SAG: variants seen among roughly 807,000 people sequenced by gnomAD.
SAG encodes the protein S-arrestin.
A neutral mutation model predicts 55.0 loss-of-function variants in SAG; 45 were observed. That is an observed-to-expected ratio of 0.82 (90% CI 0.64 to 1.05). The LOEUF is 1.05. Ranked by LOEUF, SAG falls within the 50% of genes least tolerant of loss-of-function variation. The pLI is 0.00. For synonymous variants in SAG, 189 were observed against 197.4 expected (o/e 0.96, Z 0.36); for missense variants, 455 against 512.1 (o/e 0.89, Z 1.08).
In SAG at chr2:233,338,732, A is replaced by C. The variant is rs1188978609; in HGVS notation, c.1001A>C (p.Lys334Thr). ...GGAATCCTGGTGTCTTACCAGATCA[A>C]GGTGAAGCTCACAGTGTCAGGGTAA... ...VLGILVSYQIKVKLTVSGFLG... is the reference protein window; with the variant it reads ...VLGILVSYQITVKLTVSGFLG... The change falls in exon 12 of 16, where the codon AAG becomes ACG. Residue 334 changes from lysine (K) to threonine (T), a missense_variant. Lys to Thr is a moderately conservative substitution (Grantham distance 78, BLOSUM62 -1). Coordinates refer to ENST00000409110, the MANE Select transcript of SAG (RefSeq NM_000541.5). 6.2e-7 allele frequency: 1 copy of C among 1,613,980 alleles called. No individual in the cohort carries two copies. The highest frequency in any genetic ancestry group is 8.5e-7 in the Non-Finnish European group (1 of 1,179,868).
chr2:233,341,550 C>G (rs1018269397), intron 13 of SAG, among the ~76,000 whole-genome samples: 2 of 152,158 alleles, frequency 1.3e-5, no homozygotes, highest in South Asian at 4.1e-4. Context: ...CATGGATAAA[C>G]CTTATACTAA....
rs1274352848 is a variant in SAG at position 233,320,690 on chromosome 2, T to C, written c.242T>C (p.Leu81Ser). Reference protein sequence around the residue: ...YGQEDIDVIGLTFRRDLYFSR... With the variant: ...YGQEDIDVIGSTFRRDLYFSR... ...CAAGAGGACATTGACGTGATCGGCT[T>C]GACCTTCCGCAGGGACCTGTACTTC... The change falls in exon 5 of 16, where the codon TTG becomes TCG. Residue 81 changes from leucine (L) to serine (S), a missense_variant. By Grantham distance (145) the Leu-to-Ser change is moderately radical. Transcript: ENST00000409110. 2.5e-6 allele frequency: 4 copies of C among 1,606,516 alleles called. No individual in the cohort carries two copies. The South Asian group carries it at 4.5e-5, about 18-fold the overall frequency.
chr2:233,308,847 T>C (rs1700004204), intron 1 of SAG, among the ~76,000 whole-genome samples: 1 of 152,190 alleles, frequency 6.6e-6, no homozygotes, highest in Non-Finnish European at 1.5e-5. Context: ...CCTGGCTAAG[T>C]GTGATAACAC....
chr2:233,331,976 A>G, intron 10 of SAG: 1 of 460,246 alleles, frequency 2.2e-6, no homozygotes. Flanking sequence ...AAAGACAGAA[A>G]TGTCACCATG....
intron 4 of SAG, chr2:233,320,053 TG>T: frequency 5.6e-6 from 5 of 890,764 alleles, no homozygotes; most frequent in Middle Eastern, 1.2e-3. Context: ...TTTTCAGAAG[TG>T]GGGGTTTAGA....
intron 15 of SAG, 118 bp downstream of exon 15, chr2:233,346,530 G>A: frequency 5.3e-6 from 6 of 1,126,750 alleles, no homozygotes; most frequent in Non-Finnish European, 6.8e-6. Context: ...CGGCTCAGGA[G>A]GCACATCCGC....
At chr2:233,337,928 A>G (rs565327002) in intron 11 of SAG, among the ~76,000 whole-genome samples, 1 of 152,258 alleles carries the variant, frequency 6.6e-6, no homozygotes, top group East Asian at 1.9e-4. Flanking sequence ...AGATAGTAGA[A>G]CTTCAGTACG....
At chr2:233,345,954 C>G (rs2125356169) in intron 14 of SAG, 1 of 152,880 alleles carries the variant, frequency 6.5e-6, no homozygotes, top group East Asian at 1.9e-4. Context: ...GAGTTTGAGA[C>G]CAGCCTGGCC....
At chr2:233,346,289 T>G in intron 14 of SAG, 114 bp from the exon 15 acceptor site, 1 of 1,157,040 alleles carries the variant, frequency 8.6e-7, no homozygotes, top group South Asian at 1.2e-5. Context: ...TCTCTCAAAT[T>G]GTAAAGTCAC....
intron 3 of SAG, among the ~76,000 whole-genome samples, chr2:233,316,445 G>A (rs1281868669): frequency 1.3e-5 from 2 of 151,978 alleles, no homozygotes; most frequent in African/African-American, 4.8e-5. Flanking sequence ...CCAAATAGCT[G>A]GGATTACAGG....
At chr2:233,341,801 T>C (rs1007750080) in intron 13 of SAG, among the ~76,000 whole-genome samples, 7 of 152,138 alleles carry the variant, frequency 4.6e-5, no homozygotes, top group Non-Finnish European at 7.4e-5. Context: ...CGTAAATGTA[T>C]TTAATGCCAC....
At chr2:233,320,322 TA>T (rs1700339662) in intron 4 of SAG, among the ~76,000 whole-genome samples, 1 of 152,188 alleles carries the variant, frequency 6.6e-6, no homozygotes, top group South Asian at 2.1e-4. Flanking sequence ...GCCACAGAGC[TA>T]GGGAATGAAG....
At chr2:233,343,659 G>A in intron 14 of SAG, 1 of 1,257,696 alleles carries the variant, frequency 8.0e-7, no homozygotes, top group Non-Finnish European at 1.0e-6. Context: ...TAATATAGGT[G>A]AAATCTCAGA....
At chr2:233,322,032 CACACAT>C (rs1273201701) in intron 5 of SAG, among the ~76,000 whole-genome samples, 4 of 113,618 alleles carry the variant, frequency 3.5e-5, no homozygotes, top group African/African-American at 1.0e-4. Flanking sequence ...CACACACACA[CACACAT>C]TAGTCAGGCG....
chr2:233,317,915 G>A (rs2125325478), intron 3 of SAG, among the ~76,000 whole-genome samples: 1 of 152,260 alleles, frequency 6.6e-6, no homozygotes, highest in African/African-American at 2.4e-5. Flanking sequence ...TGTACAATAG[G>A]ATCTTTTTCT....
intron 4 of SAG, 95 bp from the exon 5 acceptor site, chr2:233,320,534 TA>T: frequency 1.1e-6 from 1 of 943,206 alleles, no homozygotes; most frequent in Non-Finnish European, 1.6e-6. Context: ...CTCCAGATGC[TA>T]AAGGTTGAAA....
intron 2 of SAG, among the ~76,000 whole-genome samples, chr2:233,314,882 T>A (rs1163207463): frequency 6.6e-6 from 1 of 152,144 alleles, no homozygotes; most frequent in Non-Finnish European, 1.5e-5. Flanking sequence ...TTCAAAATAT[T>A]CATTCGAAGA....
intron 3 of SAG, among the ~76,000 whole-genome samples, chr2:233,316,769 G>A (rs1022686044): frequency 2.6e-5 from 4 of 152,224 alleles, no homozygotes; most frequent in African/African-American, 7.2e-5. Flanking sequence ...AGACAAGCAA[G>A]CACATGAAAA....
chr2:233,313,809 T>C (rs78099406), intron 2 of SAG, among the ~76,000 whole-genome samples: 1,771 of 149,576 alleles, frequency 0.012, 16 homozygotes, highest in South Asian at 0.044. Flanking sequence ...CTTCAGGTGA[T>C]CCTTCCCACC....
Sources: gnomAD v4.1 joint callset for allele counts (sites outside exome capture counted in the v4.1 genomes callset) on GRCh38, gnomAD v4.1.1 for gene constraint, MANE v1.5 for transcripts, NCBI Gene and HGNC (gene_info 2026-07-23, HGNC 2026-07-21) for gene names.